The following GABRB1 variants were observed in gnomAD, a reference collection of about 807,000 sequenced individuals.
GABRB1 encodes the protein gamma-aminobutyric acid type A receptor subunit beta1, also known as gamma-aminobutyric acid receptor subunit beta-1.
GABRB1 carries 17 observed loss-of-function variants against 51.6 expected under a neutral mutation model. The observed-to-expected ratio is 0.33, with a 90% CI of 0.23 to 0.49. The LOEUF (loss-of-function observed/expected upper bound fraction) is 0.49, where lower values mean the gene tolerates loss of function less well. Ranked by LOEUF, GABRB1 falls within the 20% of genes least tolerant of loss-of-function variation. The pLI is 0.99. For missense variants in GABRB1, 410 were observed against 600.6 expected (o/e 0.68, Z 3.32); for synonymous variants, 247 against 218.9 (o/e 1.13, Z -1.14).
At chr4:47,198,220 G>T (rs1456295728) in intron 4 of GABRB1, among the ~76,000 whole-genome samples, 3 of 152,150 alleles carry the variant, frequency 2.0e-5, no homozygotes, top group Non-Finnish European at 1.5e-5. Context: ...AGCTGAAGAA[G>T]AATTTTGTGA....
At position 47,406,779 on chromosome 4, in the gene GABRB1, G is replaced by T. The variant is rs773389083; in HGVS notation, c.933G>T (p.Met311Ile). The change falls in exon 8 of 9, where the codon ATG becomes ATT. Residue 311 changes from methionine (M) to isoleucine (I), a missense_variant. Transcript: ENST00000295454. ...PYVKAIDIYL[M>I]GCFVFVFLAL... ...TCAAAGCGATTGATATTTATCTGAT[G>T]GGTTGCTTTGTGTTTGTGTTCCTGG... 6.2e-7 allele frequency: 1 copy of T among 1,614,148 alleles called. No homozygotes were observed. The highest frequency in any genetic ancestry group is 1.1e-5 in the South Asian group (1 of 91,076).
At chr4:47,275,806 C>A (rs187656750) in intron 4 of GABRB1, among the ~76,000 whole-genome samples, 1 of 152,226 alleles carries the variant, frequency 6.6e-6, no homozygotes, top group East Asian at 1.9e-4. Context: ...TTGGCAGTTA[C>A]CTCCTGGATA....
intron 5 of GABRB1, among the ~76,000 whole-genome samples, chr4:47,363,008 G>C (rs1726860081): frequency 7.0e-6 from 1 of 142,890 alleles, no homozygotes; most frequent in Admixed American, 7.0e-5. Context: ...AAATGAGAAT[G>C]AGTGTCTAAG....
intron 4 of GABRB1, among the ~76,000 whole-genome samples, chr4:47,258,733 A>G (rs1722312433): frequency 6.6e-6 from 1 of 152,178 alleles, no homozygotes; most frequent in Admixed American, 6.5e-5. Context: ...ATTTTCTATG[A>G]AATCACTGTG....
intron 3 of GABRB1, among the ~76,000 whole-genome samples, chr4:47,149,166 G>A (rs1717315383): frequency 6.6e-6 from 1 of 151,942 alleles, no homozygotes; most frequent in African/African-American, 2.4e-5. Context: ...CATAGGGAAA[G>A]CACCCGGTAA....
intron 4 of GABRB1, among the ~76,000 whole-genome samples, chr4:47,262,771 A>G (rs2109881156): frequency 6.6e-6 from 1 of 152,238 alleles, no homozygotes; most frequent in African/African-American, 2.4e-5. Context: ...ACTATTCACA[A>G]TAGCAAAGAC....
intron 3 of GABRB1, among the ~76,000 whole-genome samples, chr4:47,096,706 C>A (rs1053875529): frequency 1.3e-5 from 2 of 152,030 alleles, no homozygotes; most frequent in African/African-American, 4.8e-5. Context: ...TGATCAGAGT[C>A]AGAGGAAGTC....
intron 3 of GABRB1, among the ~76,000 whole-genome samples, chr4:47,055,242 T>A (rs542842771): frequency 2.0e-5 from 3 of 152,220 alleles, no homozygotes; most frequent in African/African-American, 7.2e-5. Context: ...ATGTGTAGCA[T>A]AGAATCTTGA....
intron 4 of GABRB1, among the ~76,000 whole-genome samples, chr4:47,215,564 TA>T (rs576183902): frequency 1.3e-5 from 2 of 150,740 alleles, no homozygotes; most frequent in South Asian, 2.1e-4. Context: ...CCTCAGTCAG[TA>T]AAAAAAAATT....
chr4:47,209,617 G>T (rs930264487), intron 4 of GABRB1, among the ~76,000 whole-genome samples: 11 of 152,052 alleles, frequency 7.2e-5, no homozygotes, highest in African/African-American at 2.7e-4. Context: ...GAACTTCAAA[G>T]TGGCAGAGAC....
At chr4:47,410,370 G>A (rs1441546959) in intron 8 of GABRB1, among the ~76,000 whole-genome samples, 5 of 152,134 alleles carry the variant, frequency 3.3e-5, no homozygotes, top group African/African-American at 4.8e-5. Context: ...AGACATGGGA[G>A]AGTAACAAAA....
At chr4:47,092,947 A>G (rs951911502) in intron 3 of GABRB1, among the ~76,000 whole-genome samples, 1 of 152,196 alleles carries the variant, frequency 6.6e-6, no homozygotes, top group Admixed American at 6.5e-5. Context: ...GCAAAATATA[A>G]CTATAGTCAT....
At chr4:47,353,053 C>A (rs901214262) in intron 5 of GABRB1, among the ~76,000 whole-genome samples, 1 of 152,098 alleles carries the variant, frequency 6.6e-6, no homozygotes, top group East Asian at 1.9e-4. Flanking sequence ...TACATGATGG[C>A]AGCAAGAGAA....
chr4:47,365,474 G>A (rs141180952), intron 5 of GABRB1, among the ~76,000 whole-genome samples: 1,533 of 152,234 alleles, frequency 0.01, 30 homozygotes, highest in African/African-American at 0.035. Flanking sequence ...GGTAAGGATT[G>A]TTTCTTCCCA....
chr4:47,343,308 G>A (rs1252094844), intron 5 of GABRB1, among the ~76,000 whole-genome samples: 2 of 152,102 alleles, frequency 1.3e-5, no homozygotes, highest in Admixed American at 6.6e-5. Context: ...CACTTTGGTT[G>A]GGGGAGGTAC....
intron 4 of GABRB1, among the ~76,000 whole-genome samples, chr4:47,241,349 T>A (rs928899798): frequency 3.9e-5 from 6 of 152,160 alleles, no homozygotes; most frequent in African/African-American, 1.4e-4. Flanking sequence ...TTACAGTATG[T>A]TACCCAATTT....
intron 4 of GABRB1, among the ~76,000 whole-genome samples, chr4:47,274,639 T>C (rs1425682609): frequency 6.6e-6 from 1 of 152,150 alleles, no homozygotes; most frequent in Non-Finnish European, 1.5e-5. Flanking sequence ...AGAAGGTTGT[T>C]ACCCCCAAAA....
intron 3 of GABRB1, among the ~76,000 whole-genome samples, chr4:47,130,862 G>A (rs1716383936): frequency 6.6e-6 from 1 of 152,056 alleles, no homozygotes; most frequent in Admixed American, 6.6e-5. Flanking sequence ...TCCTTCAAGG[G>A]ATTAAGTGCT....
At chr4:47,383,754 C>A (rs4254743) in intron 5 of GABRB1, among the ~76,000 whole-genome samples, 19,908 of 151,978 alleles carry the variant, frequency 0.13, 1,488 homozygotes, top group African/African-American at 0.19. Flanking sequence ...TTAAATATAC[C>A]AAACAGGTCA....
Sources: gnomAD v4.1 joint callset for allele counts (sites outside exome capture counted in the v4.1 genomes callset) on GRCh38, gnomAD v4.1.1 for gene constraint, MANE v1.5 for transcripts, NCBI Gene and HGNC (gene_info 2026-07-23, HGNC 2026-07-21) for gene names.